Variants in EYS observed in about 807,000 individuals in gnomAD.
EYS encodes EGF-like photoreceptor maintenance factor, also known as protein eyes shut homolog.
Under a neutral mutation model 282.1 loss-of-function variants are expected in EYS, and 250 were observed. The observed-to-expected ratio is 0.89, with a 90% CI of 0.80 to 0.98. The LOEUF (loss-of-function observed/expected upper bound fraction) is 0.98. Ranked by LOEUF, EYS falls within the 50% of genes least tolerant of loss-of-function variation. The pLI is 0.00. For missense variants in EYS, 4,016 were observed against 3,709.0 expected (o/e 1.08, Z -2.15); for synonymous variants, 1,355 against 1,282.9 (o/e 1.06, Z -1.20).
intron 2 of EYS, among the ~76,000 whole-genome samples, chr6:65,557,392 G>A (rs572673159): frequency 2.3e-4 from 35 of 152,334 alleles, no homozygotes; most frequent in African/African-American, 7.9e-4. Context: ...GGCAGCTCCA[G>A]GCGCTGGCAC....
chr6:64,090,517 G>A (rs1772318570), intron 31 of EYS, among the ~76,000 whole-genome samples: 1 of 151,912 alleles, frequency 6.6e-6, no homozygotes, highest in African/African-American at 2.4e-5. Context: ...TTATTCAACT[G>A]CATAGTCCAT....
intron 11 of EYS, among the ~76,000 whole-genome samples, chr6:65,317,516 T>C (rs1769325262): frequency 6.6e-6 from 1 of 152,206 alleles, no homozygotes; most frequent in Non-Finnish European, 1.5e-5. Context: ...CTGTTATCTA[T>C]TGCTGTGAAA....
intron 13 of EYS, among the ~76,000 whole-genome samples, chr6:65,036,324 A>G (rs1772769912): frequency 6.6e-6 from 1 of 152,020 alleles, no homozygotes; most frequent in Admixed American, 6.6e-5. Context: ...ATATACAAAA[A>G]TCAACTAAAG....
intron 8 of EYS, among the ~76,000 whole-genome samples, chr6:65,360,845 A>G (rs1342919275): frequency 3.3e-5 from 5 of 152,170 alleles, no homozygotes; most frequent in Non-Finnish European, 7.4e-5. Context: ...CAATGGGAAC[A>G]GAAAGGAAGA....
intron 31 of EYS, among the ~76,000 whole-genome samples, chr6:64,109,592 A>T (rs1002947196): frequency 6.6e-6 from 1 of 152,162 alleles, no homozygotes; most frequent in African/African-American, 2.4e-5. Flanking sequence ...AGGGATTATG[A>T]CTATAACCAC....
intron 22 of EYS, among the ~76,000 whole-genome samples, chr6:64,704,530 A>T (rs1217095079): frequency 2.4e-5 from 2 of 82,054 alleles, no homozygotes; most frequent in East Asian, 7.2e-4. Flanking sequence ...TATAATACTT[A>T]TAATAATATT....
chr6:65,550,054 C>G (rs76718709), intron 2 of EYS, among the ~76,000 whole-genome samples: 5,712 of 151,880 alleles, frequency 0.038, 281 homozygotes, highest in African/African-American at 0.11. Flanking sequence ...TTTGTCCACT[C>G]CCATCCATTA....
At chr6:64,312,853 G>A (rs1469937483) in intron 29 of EYS, among the ~76,000 whole-genome samples, 3 of 152,086 alleles carry the variant, frequency 2.0e-5, no homozygotes, top group East Asian at 3.9e-4. Context: ...CAAAAAGGAC[G>A]TCCACTCAGA....
In EYS at chr6:65,325,570, A is replaced by G. The variant is rs531138121; in HGVS notation, c.1766+9410T>C. 2.8e-4 allele frequency among the ~76,000 whole-genome samples: 43 copies of G among 152,192 alleles called. 1 individual carries two copies. Among genetic ancestry groups the G allele is most frequent in the Admixed American group, 2.4e-3 (37 of 15,286 alleles). On this transcript the variant is annotated intron_variant, in intron 11 of 42. Coordinates refer to ENST00000503581, the MANE Select transcript of EYS (RefSeq NM_001142800.2). ...TCTTTGACTCCAGGACACTTGTTCTAAAGTCACTCAGATTCAAAAGGTAGA... is the reference window on the plus strand; with the variant it reads ...TCTTTGACTCCAGGACACTTGTTCTGAAGTCACTCAGATTCAAAAGGTAGA...
At chr6:64,807,492 T>G (rs1764467135) in intron 22 of EYS, among the ~76,000 whole-genome samples, 1 of 152,152 alleles carries the variant, frequency 6.6e-6, no homozygotes, top group Non-Finnish European at 1.5e-5. Context: ...TATTATATTT[T>G]CTGAACAAAA....
chr6:65,234,081 C>G (rs1463687322), intron 12 of EYS, among the ~76,000 whole-genome samples: 2 of 151,726 alleles, frequency 1.3e-5, no homozygotes, highest in African/African-American at 4.8e-5. Context: ...TAGTCACTGC[C>G]CACCAAGATC....
intron 26 of EYS, among the ~76,000 whole-genome samples, chr6:64,566,524 G>A (rs761622600): frequency 3.3e-5 from 5 of 151,776 alleles, no homozygotes; most frequent in South Asian, 2.1e-4. Flanking sequence ...CACTTAATTC[G>A]CATTTCTTAC....
chr6:64,956,200 A>G (rs183210176), intron 14 of EYS, among the ~76,000 whole-genome samples: 24 of 152,368 alleles, frequency 1.6e-4, no homozygotes, highest in Non-Finnish European at 2.9e-4. Context: ...ATTATACTAC[A>G]GTGCTATAGT....
rs140167410 is a variant in EYS, at chr6:65,218,011, G to A, written c.2023+77852C>T. Among the ~76,000 whole-genome samples the A allele has an allele frequency of 3.1e-3, 464 of 152,090 alleles. 1 individual carries two copies. The highest frequency in any genetic ancestry group is 0.011 in the African/African-American group (446 of 41,536). On this transcript the variant is annotated intron_variant, in intron 12 of 42. Coordinates refer to ENST00000503581, the MANE Select transcript of EYS (RefSeq NM_001142800.2). Reference sequence around the variant, plus strand: ...GAGAGATCTTGGTAACCTTTACTGAGGATGTCACAGCTGAATTAGATAATA... The same window carrying A: ...GAGAGATCTTGGTAACCTTTACTGAAGATGTCACAGCTGAATTAGATAATA...
chr6:63,748,607 G>C lies in EYS; in HGVS notation c.8071+13854C>G, dbSNP rs545715731. Among the ~76,000 whole-genome samples the C allele has an allele frequency of 2.4e-4, 37 of 152,164 alleles. No homozygotes were observed. In the South Asian group the frequency reaches 6.8e-3, roughly 28 times the overall value. The stretch of plus-strand genomic sequence containing the variant: ...TCTGGTAGAATTCAGCTGTGAATCT[G>C]TCTGGTCCTGGGCTTTTTTTGGTTG... On this transcript the variant is annotated intron_variant, in intron 41 of 42. Transcript: ENST00000503581.
At chr6:64,197,358 T>C (rs528678382) in intron 31 of EYS, among the ~76,000 whole-genome samples, 10 of 152,318 alleles carry the variant, frequency 6.6e-5, no homozygotes, top group African/African-American at 2.2e-4. Flanking sequence ...GGTAAATCTA[T>C]TTGGTTCTCC....
intron 1 of EYS, among the ~76,000 whole-genome samples, chr6:65,676,405 A>C (rs1340524226): frequency 2.0e-5 from 3 of 151,914 alleles, no homozygotes; most frequent in Non-Finnish European, 4.4e-5. Context: ...ACAGAAATTA[A>C]GATTATAAAA....
intron 29 of EYS, among the ~76,000 whole-genome samples, chr6:64,364,064 G>T (rs889038084): frequency 5.9e-5 from 9 of 151,596 alleles, no homozygotes; most frequent in African/African-American, 2.2e-4. Context: ...CAACATTTCA[G>T]TTTTTTTCCC....
chr6:63,826,207 A>T (rs1266697380), intron 36 of EYS, among the ~76,000 whole-genome samples: 2 of 152,188 alleles, frequency 1.3e-5, no homozygotes, highest in Non-Finnish European at 2.9e-5. Flanking sequence ...AAAATAAGAA[A>T]ATATGAACAA....
Sources: allele counts gnomAD v4.1 joint callset (sites outside exome capture counted in the v4.1 genomes callset), GRCh38; gene constraint gnomAD v4.1.1; transcripts MANE v1.5; gene names NCBI Gene and HGNC (gene_info 2026-07-23, HGNC 2026-07-21).